The following SORCS2 variants were observed in gnomAD, a reference collection of about 807,000 sequenced individuals.
SORCS2 encodes the protein sortilin related VPS10 domain containing receptor 2, also known as VPS10 domain-containing receptor SorCS2.
Under a neutral mutation model 141.6 loss-of-function variants are expected in SORCS2, and 100 were observed. That is an observed-to-expected ratio of 0.71 (90% confidence interval 0.60 to 0.83). SORCS2 has a LOEUF of 0.83. Ranked by LOEUF, SORCS2 falls within the 40% of genes least tolerant of loss-of-function variation. The probability of loss-of-function intolerance (pLI) is 0.00; values close to 1 mark genes in which losing one functional copy is unlikely to be tolerated. For missense variants in SORCS2, 1,646 were observed against 1,560.2 expected (o/e 1.05, Z -0.93); for synonymous variants, 789 against 676.9 (o/e 1.17, Z -2.57).
intron 1 of SORCS2, among the ~76,000 whole-genome samples, chr4:7,380,640 G>A (rs114560994): frequency 1.1e-3 from 171 of 152,330 alleles, no homozygotes; most frequent in Middle Eastern, 6.8e-3. Flanking sequence ...CAGCCCCCTC[G>A]TTCCTCCTTA....
chr4:7,736,146 G>A (rs561646832), intron 25 of SORCS2, among the ~76,000 whole-genome samples: 171 of 152,322 alleles, frequency 1.1e-3, no homozygotes, highest in African/African-American at 3.4e-3. Flanking sequence ...GGGAGCTCCC[G>A]GCTTGCTCAA....
At chr4:7,347,852 G>A (rs762915619) in intron 1 of SORCS2, among the ~76,000 whole-genome samples, 46 of 152,200 alleles carry the variant, frequency 3.0e-4, no homozygotes, top group Middle Eastern at 3.4e-3. Flanking sequence ...CAACTGTCAG[G>A]CCCGATATGA....
intron 3 of SORCS2, among the ~76,000 whole-genome samples, chr4:7,560,103 A>G (rs914408920): frequency 1.3e-5 from 2 of 152,198 alleles, no homozygotes; most frequent in African/African-American, 4.8e-5. Flanking sequence ...ACATCCTCGC[A>G]GGTTAGGAGC....
chr4:7,577,800 A>G (rs573334627), intron 3 of SORCS2, among the ~76,000 whole-genome samples: 19 of 144,462 alleles, frequency 1.3e-4, no homozygotes, highest in African/African-American at 4.4e-4. Flanking sequence ...TGGTTTGGGG[A>G]AGTTATATAG....
intron 1 of SORCS2, among the ~76,000 whole-genome samples, chr4:7,325,927 A>G (rs1383038776): frequency 1.3e-5 from 2 of 152,100 alleles, no homozygotes; most frequent in African/African-American, 4.8e-5. Flanking sequence ...TACGCGGTAC[A>G]GGGGGAGCCA....
In SORCS2 at chr4:7,364,910, C is replaced by G. The variant is rs190544164; in HGVS notation, c.481-31378C>G. Among the ~76,000 whole-genome samples, 513 of 152,308 alleles carry G rather than the reference C, an allele frequency of 3.4e-3. 4 individuals carry two copies. Among genetic ancestry groups the G allele is most frequent in the African/African-American group, 0.012 (498 of 41,552 alleles). On this transcript the variant is annotated intron_variant, in intron 1 of 26. Transcript: ENST00000507866. ...CATGTGGCTCAAGGAGCTAGCCTAC[C>G]GGGGTTCAGGACCTGGCTCTGCCAC...
chr4:7,705,597 C>A (rs970141487), intron 14 of SORCS2, among the ~76,000 whole-genome samples: 1 of 152,228 alleles, frequency 6.6e-6, no homozygotes. Flanking sequence ...GTGCCCCTCA[C>A]CCTCGCCCAC....
intron 1 of SORCS2, among the ~76,000 whole-genome samples, chr4:7,366,473 C>T (rs79680227): frequency 0.26 from 6,950 of 26,708 alleles, 335 homozygotes; most frequent in East Asian, 0.5. Flanking sequence ...TAGCGTGCCC[C>T]TCCCCCCCTC....
intron 23 of SORCS2, among the ~76,000 whole-genome samples, chr4:7,731,456 G>C (rs1447404717): frequency 6.6e-6 from 1 of 150,850 alleles, no homozygotes; most frequent in Non-Finnish European, 1.5e-5. Flanking sequence ...CACAGAAATA[G>C]AAAAAAAAAT....
intron 3 of SORCS2, among the ~76,000 whole-genome samples, chr4:7,566,048 G>A (rs538104635): frequency 1.2e-4 from 17 of 146,894 alleles, no homozygotes; most frequent in East Asian, 4.0e-4. Context: ...TGATGATGGC[G>A]ATGGTGATGA....
intron 2 of SORCS2, among the ~76,000 whole-genome samples, chr4:7,462,963 G>A (rs906286452): frequency 2.6e-5 from 4 of 151,740 alleles, no homozygotes; most frequent in Middle Eastern, 3.2e-3. Flanking sequence ...TGGGGACTGA[G>A]GAGTGCCTGT....
chr4:7,724,147 C>G (rs4689154), intron 19 of SORCS2, among the ~76,000 whole-genome samples: 33,822 of 109,960 alleles, frequency 0.31, 4,061 homozygotes, highest in Admixed American at 0.46. Context: ...TGGTGATGGT[C>G]GTGGTGGTGG....
At chr4:7,510,218 G>C (rs1191791956) in intron 2 of SORCS2, among the ~76,000 whole-genome samples, 2 of 152,238 alleles carry the variant, frequency 1.3e-5, no homozygotes, top group Non-Finnish European at 2.9e-5. Flanking sequence ...CTTCCCGTCG[G>C]GTGGAGCGGC....
At chr4:7,585,196 C>T (rs908431873) in intron 3 of SORCS2, among the ~76,000 whole-genome samples, 3 of 152,104 alleles carry the variant, frequency 2.0e-5, no homozygotes, top group South Asian at 2.1e-4. Flanking sequence ...GCAGGATGGT[C>T]GGGGAAGCCT....
chr4:7,344,619 CAG>C (rs1720549939), intron 1 of SORCS2, among the ~76,000 whole-genome samples: 2 of 152,142 alleles, frequency 1.3e-5, no homozygotes, highest in South Asian at 4.2e-4. Flanking sequence ...GCAGTTTGAG[CAG>C]AGAGTGGACA....
intron 2 of SORCS2, among the ~76,000 whole-genome samples, chr4:7,498,699 C>T (rs1437911351): frequency 1.3e-5 from 2 of 152,238 alleles, no homozygotes; most frequent in Admixed American, 6.5e-5. Context: ...AATGAAGCCA[C>T]GTGGACCAAG....
chr4:7,657,799 T>G (rs2108907546), intron 5 of SORCS2, among the ~76,000 whole-genome samples: 1 of 150,908 alleles, frequency 6.6e-6, no homozygotes, highest in East Asian at 2.0e-4. Context: ...AGTGAATGAG[T>G]GAGTGAGTGA....
intron 1 of SORCS2, among the ~76,000 whole-genome samples, chr4:7,198,065 G>A (rs948986044): frequency 2.6e-5 from 4 of 152,222 alleles, no homozygotes; most frequent in Admixed American, 2.0e-4. Flanking sequence ...TGGGGCTGGT[G>A]AGGGCTGCAG....
chr4:7,672,394 A>G lies in SORCS2; in HGVS notation c.1162-3656A>G, dbSNP rs866754145. ...GCGAGCTGATACATTCAAAGCGCTG[A>G]AAGAATTTGATGAAGGTGTTGGTTC... On this transcript the variant is annotated intron_variant, in intron 8 of 26. Coordinates refer to ENST00000507866, the MANE Select transcript of SORCS2 (RefSeq NM_020777.3). Among the ~76,000 whole-genome samples the G allele has an allele frequency of 2.0e-5, 3 of 152,336 alleles. No individual in the cohort carries two copies. In the Middle Eastern group the frequency reaches 0.01, roughly 518 times the overall value.
Sources: allele counts gnomAD v4.1 joint callset (sites outside exome capture counted in the v4.1 genomes callset), GRCh38; gene constraint gnomAD v4.1.1; transcripts MANE v1.5; gene names NCBI Gene and HGNC (gene_info 2026-07-23, HGNC 2026-07-21).